The following IL17RD variants were observed in gnomAD, a reference collection of about 807,000 sequenced individuals.
IL17RD encodes interleukin-17 receptor D.
Under a neutral mutation model 80.5 loss-of-function variants are expected in IL17RD, and 52 were observed. The ratio of observed to expected loss-of-function variants is 0.65; its 90% CI spans 0.52 to 0.81. IL17RD has a LOEUF of 0.81. IL17RD is among the 40% of genes least tolerant of loss of function. The pLI is 0.00. For synonymous variants in IL17RD, 416 were observed against 391.8 expected (o/e 1.06, Z -0.73); for missense variants, 1,024 against 955.1 (o/e 1.07, Z -0.95).
At chr3:57,169,263 C>T (rs772562054), upstream of IL17RD, 1 of 518,702 alleles carries the variant, frequency 1.9e-6, no homozygotes, top group Admixed American at 1.9e-5. Flanking sequence ...GTAGTCCAGT[C>T]ACACTTTCAG....
At chr3:57,142,537 C>T (rs1707849333) in intron 1 of IL17RD, 2 of 1,281,624 alleles carry the variant, frequency 1.6e-6, no homozygotes, top group Middle Eastern at 2.3e-4. Flanking sequence ...CGTCTGACCT[C>T]CCCCACTCCG....
intron 2 of IL17RD, among the ~76,000 whole-genome samples, chr3:57,117,200 G>T (rs1044133413): frequency 1.4e-5 from 2 of 147,656 alleles, no homozygotes; most frequent in African/African-American, 5.0e-5. Context: ...TGCAACCTCC[G>T]CCTCCTGGGT....
chr3:57,112,191 G>T (rs1295446989), intron 3 of IL17RD, among the ~76,000 whole-genome samples: 6 of 152,268 alleles, frequency 3.9e-5, no homozygotes, highest in East Asian at 3.9e-4. Context: ...TCCCAGGAAA[G>T]AACTTATTTG....
chr3:57,103,209 A>C, intron 8 of IL17RD, 64 bp from the exon 9 acceptor site: 1 of 1,380,542 alleles, frequency 7.2e-7, no homozygotes, highest in Non-Finnish European at 1.0e-6. Context: ...AAGTGGAAAA[A>C]AATGGTAATT....
rs539349872 is a variant in IL17RD, at chr3:57,097,635, A to T, written c.2068T>A (p.Ser690Thr). ...GAGGACACGCTCTCCGTCAGGGAAG[A>T]CGTTTCTGTCTGGTCCGTCGAGAGT... The part of the protein sequence containing the change: ...EGLSTDQTET[S>T]SLTESVSSSS... The change falls in exon 12 of 13, where the codon TCT (serine) becomes ACT (threonine). Residue 690 changes from serine to threonine, a missense_variant. Transcript: ENST00000296318. The T allele has an allele frequency of 1.9e-5, 31 of 1,592,888 alleles. No homozygotes were observed. The highest frequency in any genetic ancestry group is 2.6e-5 in the Non-Finnish European group (30 of 1,170,246).
chr3:57,110,274 C>T lies in IL17RD; in HGVS notation c.348G>A (p.Glu116=). 6.2e-7 allele frequency: 1 copy of T among 1,608,864 alleles called. No homozygotes were observed. Among genetic ancestry groups the T allele is most frequent in the Non-Finnish European group, 8.5e-7 (1 of 1,177,426 alleles). ...EFLKGFRVIL[E]ELKSEGRQCQ... Reference sequence around the variant, plus strand: ...ACTGTCTTCCCTCCGACTTCAGCTCCTCCAGTATTACCCGAAATCCTTTCA... The same window carrying T: ...ACTGTCTTCCCTCCGACTTCAGCTCTTCCAGTATTACCCGAAATCCTTTCA... Residue 116 remains glutamate (E), a synonymous_variant, in exon 4 of 13, where the codon GAG becomes GAA. Coordinates refer to ENST00000296318, the MANE Select transcript of IL17RD (RefSeq NM_017563.5).
chr3:57,144,927 T>A (rs981006228), intron 1 of IL17RD, among the ~76,000 whole-genome samples: 2 of 152,200 alleles, frequency 1.3e-5, no homozygotes, highest in Admixed American at 1.3e-4. Context: ...GGTGTGTGTG[T>A]ATGTGTGTAT....
In IL17RD at chr3:57,109,588, G is replaced by T; in HGVS notation, c.499C>A (p.Pro167Thr). ...TDYFVKVVPFPSIKNESNYHP... is the reference protein window; with the variant it reads ...TDYFVKVVPFTSIKNESNYHP... ...TAATTGCTTTCGTTTTTAATGGAAGGAAAAGGGACAACCTTTACGAAATAA... is the reference window on the plus strand; with the variant it reads ...TAATTGCTTTCGTTTTTAATGGAAGTAAAAGGGACAACCTTTACGAAATAA... The change falls in exon 5 of 13, where the codon CCT becomes ACT. Residue 167 changes from proline (P) to threonine (T), a missense_variant. Pro to Thr is a conservative substitution (Grantham distance 38). Coordinates refer to ENST00000296318, the MANE Select transcript of IL17RD (RefSeq NM_017563.5). 2 of 1,613,564 alleles carry T rather than the reference G, an allele frequency of 1.2e-6. No homozygotes were observed. The highest frequency in any genetic ancestry group is 8.5e-7 in the Non-Finnish European group (1 of 1,179,536).
At chr3:57,138,141 C>T (rs1707763266) in intron 1 of IL17RD, among the ~76,000 whole-genome samples, 1 of 151,970 alleles carries the variant, frequency 6.6e-6, no homozygotes, top group Non-Finnish European at 1.5e-5. Context: ...TATGGAATTT[C>T]CATTTAGGAA....
chr3:57,097,827 C>T lies in IL17RD; in HGVS notation c.1876G>A (p.Gly626Ser). ...ADSQHESQHG[G>S]LDQDGEARPA... ...CGGGCCTCCCCGTCTTGGTCCAGGC[C>T]CCCATGCTGACTCTCGTGCTGGGAG... Residue 626 changes from glycine (G) to serine (S), a missense_variant, in exon 12 of 13, where the codon GGC becomes AGC. Gly to Ser is a moderately conservative substitution (Grantham distance 56). Transcript: ENST00000296318. The T allele has an allele frequency of 2.0e-5, 32 of 1,611,064 alleles. No homozygotes were observed. The highest frequency in any genetic ancestry group is 2.6e-5 in the Non-Finnish European group (31 of 1,178,652).
intron 1 of IL17RD, among the ~76,000 whole-genome samples, chr3:57,155,761 A>T (rs1181189192): frequency 6.6e-6 from 1 of 151,970 alleles, no homozygotes; most frequent in African/African-American, 2.4e-5. Context: ...CAGCTAATTT[A>T]TGTATTTTTA....
intron 1 of IL17RD, among the ~76,000 whole-genome samples, chr3:57,164,731 C>A (rs2060333681): frequency 6.6e-6 from 1 of 152,204 alleles, no homozygotes; most frequent in Non-Finnish European, 1.5e-5. Context: ...GGGTTGTGGA[C>A]TGAAAGTCCG....
At chr3:57,134,145 C>T in intron 1 of IL17RD, 3 of 630,130 alleles carry the variant, frequency 4.8e-6, no homozygotes, top group Non-Finnish European at 8.9e-6. Flanking sequence ...CATGAGTATG[C>T]TCAGGTTTCA....
intron 5 of IL17RD, among the ~76,000 whole-genome samples, chr3:57,107,772 T>G (rs1299646458): frequency 6.6e-6 from 1 of 152,100 alleles, no homozygotes; most frequent in Non-Finnish European, 1.5e-5. Flanking sequence ...CAAATCCAAC[T>G]CCCGGCAAGC....
At chr3:57,113,022 G>A (rs1707132958) in intron 3 of IL17RD, among the ~76,000 whole-genome samples, 5 of 152,152 alleles carry the variant, frequency 3.3e-5, no homozygotes. Context: ...GGGGTTCAGT[G>A]AGGTTCAATG....
chr3:57,140,463 A>C (rs1481988690), intron 1 of IL17RD, among the ~76,000 whole-genome samples: 1 of 152,262 alleles, frequency 6.6e-6, no homozygotes, highest in Non-Finnish European at 1.5e-5. Context: ...TTATCGAATT[A>C]GATTTCAATT....
upstream of IL17RD, chr3:57,169,324 T>C: frequency 2.0e-6 from 1 of 492,422 alleles, no homozygotes. Context: ...TCTGCCCCCA[T>C]GCCTAGCACT....
Position 57,102,514 on chromosome 3 carries a change from G to A in IL17RD, c.944C>T (p.Thr315Met), listed in dbSNP as rs749673952. ...CTTGCGGCACATCACAGTGAAGAGC[G>A]TCGCGAATGCCGATATGACTACCAG... ...VPLVVISAFA[T>M]LFTVMCRKKQ... The change falls in exon 10 of 13, where the codon ACG becomes ATG. Residue 315 changes from threonine to methionine, a missense_variant. By Grantham distance (81) the Thr-to-Met change is moderately conservative (BLOSUM62 -1). Transcript: ENST00000296318. 3.0e-5 allele frequency: 48 copies of A among 1,578,608 alleles called. No individual in the cohort carries two copies. Among genetic ancestry groups the A allele is most frequent in the Middle Eastern group, 1.7e-4 (1 of 5,950 alleles).
intron 1 of IL17RD, chr3:57,134,270 CA>C: frequency 2.9e-6 from 2 of 682,188 alleles, no homozygotes. Context: ...AGAAGCTGAT[CA>C]AAGATGGGCT....
Sources: gnomAD v4.1 joint callset for allele counts (sites outside exome capture counted in the v4.1 genomes callset) on GRCh38, gnomAD v4.1.1 for gene constraint, MANE v1.5 for transcripts, NCBI Gene and HGNC (gene_info 2026-07-23, HGNC 2026-07-21) for gene names.